The following GALNT11 variants were observed in gnomAD, a reference collection of about 807,000 sequenced individuals.
GALNT11 encodes the protein polypeptide N-acetylgalactosaminyltransferase 11, also known as UDP-GalNAc:polypeptide N-acetylgalactosaminyltransferase 11.
Under a neutral mutation model 72.7 loss-of-function variants are expected in GALNT11, and 47 were observed. That is an observed-to-expected ratio of 0.65 (90% CI 0.51 to 0.82). The LOEUF is 0.82. Ranked by LOEUF, GALNT11 falls within the 40% of genes least tolerant of loss-of-function variation. The pLI, the probability that GALNT11 is intolerant of heterozygous loss-of-function variation, is 0.00. For synonymous variants in GALNT11, 270 were observed against 286.6 expected (o/e 0.94, Z 0.58); for missense variants, 677 against 778.4 (o/e 0.87, Z 1.55).
chr7:152,068,208 A>G (rs554032337), intron 1 of GALNT11, among the ~76,000 whole-genome samples: 6 of 152,224 alleles, frequency 3.9e-5, no homozygotes, highest in South Asian at 2.1e-4. Flanking sequence ...CCTGACTACT[A>G]CTGATCTCTT....
chr7:152,097,291 A>C (rs995932221), intron 2 of GALNT11, among the ~76,000 whole-genome samples: 2 of 152,258 alleles, frequency 1.3e-5, no homozygotes, highest in Non-Finnish European at 2.9e-5. Context: ...AATCAAAACA[A>C]TGAGATAGCC....
intron 5 of GALNT11, among the ~76,000 whole-genome samples, chr7:152,106,719 T>C (rs905990849): frequency 2.8e-4 from 43 of 152,348 alleles, no homozygotes; most frequent in African/African-American, 1.0e-3. Context: ...TTTTCCCTTA[T>C]GATCTCTTCA....
At chr7:152,075,796 C>CAA (rs775384082) in intron 1 of GALNT11, among the ~76,000 whole-genome samples, 7,117 of 109,296 alleles carry the variant, frequency 0.065, 641 homozygotes, top group African/African-American at 0.21. Flanking sequence ...AACTCTGTCT[C>CAA]AAAAAAAAAA....
chr7:152,067,174 A>G (rs1487713900), intron 1 of GALNT11, among the ~76,000 whole-genome samples: 1 of 152,192 alleles, frequency 6.6e-6, no homozygotes, highest in African/African-American at 2.4e-5. Flanking sequence ...GTCAAATGCC[A>G]TTGTCATCAT....
At chr7:152,078,729 G>A (rs1285930831) in intron 1 of GALNT11, among the ~76,000 whole-genome samples, 1 of 152,110 alleles carries the variant, frequency 6.6e-6, no homozygotes, top group Non-Finnish European at 1.5e-5. Context: ...TTTCTAACAA[G>A]TGATGAATTA....
At chr7:152,075,988 G>T (rs2084941705) in intron 1 of GALNT11, among the ~76,000 whole-genome samples, 3 of 150,202 alleles carry the variant, frequency 2.0e-5, no homozygotes, top group African/African-American at 7.3e-5. Flanking sequence ...CGTGAAGCCG[G>T]GAGGTGGAGC....
chr7:152,046,814 CCTA>C (rs1171352988), intron 1 of GALNT11, among the ~76,000 whole-genome samples: 1 of 152,100 alleles, frequency 6.6e-6, no homozygotes, highest in Non-Finnish European at 1.5e-5. Flanking sequence ...TAAGTAAGGT[CCTA>C]CTGCTGCCTT....
intron 3 of GALNT11, 31 bp from the exon 4 acceptor site, chr7:152,103,081 T>C (rs1381027726): frequency 1.0e-5 from 16 of 1,578,452 alleles, no homozygotes; most frequent in Non-Finnish European, 1.4e-5. Flanking sequence ...CCTTTTAAAA[T>C]GTCAGAATTT....
chr7:152,102,938 G>A (rs1243514968), intron 3 of GALNT11, among the ~76,000 whole-genome samples, 174 bp from the exon 4 acceptor site: 6 of 146,234 alleles, frequency 4.1e-5, no homozygotes, highest in Admixed American at 1.4e-4. Context: ...CCGAGATAGC[G>A]CCACTGCACT....
intron 2 of GALNT11, among the ~76,000 whole-genome samples, chr7:152,099,874 C>T (rs2129045580): frequency 6.8e-6 from 1 of 147,582 alleles, no homozygotes; most frequent in Non-Finnish European, 1.5e-5. Flanking sequence ...AAGCAGTCTT[C>T]CTGCCTCAGC....
intron 4 of GALNT11, chr7:152,104,590 T>G (rs1359518970): frequency 6.6e-6 from 1 of 152,224 alleles, no homozygotes; most frequent in Non-Finnish European, 1.5e-5. Context: ...TTTCACTTTG[T>G]GGCTATTTTA....
At chr7:152,116,956 C>T (rs2088923619) in intron 8 of GALNT11, 3 of 683,420 alleles carry the variant, frequency 4.4e-6, no homozygotes, top group East Asian at 2.8e-5. Flanking sequence ...TTTTTAAGAA[C>T]ATCGATGACT....
intron 1 of GALNT11, chr7:152,079,209 T>G (rs921393786): frequency 2.0e-5 from 3 of 152,220 alleles, no homozygotes; most frequent in Non-Finnish European, 4.4e-5. Context: ...AATTAGGAGG[T>G]AGAAACTACT....
intron 1 of GALNT11, among the ~76,000 whole-genome samples, chr7:152,030,702 C>A (rs1330717888): frequency 6.6e-6 from 1 of 151,946 alleles, no homozygotes; most frequent in East Asian, 1.9e-4. Context: ...CTCTCTTTGC[C>A]TTTCTATGTC....
intron 1 of GALNT11, among the ~76,000 whole-genome samples, chr7:152,028,438 C>G (rs2082144263): frequency 6.6e-6 from 1 of 151,854 alleles, no homozygotes; most frequent in Admixed American, 6.6e-5. Flanking sequence ...AAAAGTTCTC[C>G]AAGTCTGCTA....
At chr7:152,040,582 T>C (rs2082809591) in intron 1 of GALNT11, among the ~76,000 whole-genome samples, 2 of 152,220 alleles carry the variant, frequency 1.3e-5, no homozygotes, top group Admixed American at 6.5e-5. Flanking sequence ...TAAGCCCTAA[T>C]GTGAGTGATG....
At position 152,113,401 on chromosome 7, in the gene GALNT11, G is replaced by A; in HGVS notation, c.1233+3G>A. On this transcript the variant is annotated splice_donor_region_variant and intron_variant, in intron 8 of 11. Transcript: ENST00000430044. ...ATGTCTGGTTGGATGAATACAAGGT[G>A]AGATGAAATTTCTTGTTTAGAAGGA... 6.2e-7 allele frequency: 1 copy of A among 1,612,834 alleles called. No individual in the cohort carries two copies. Among genetic ancestry groups the A allele is most frequent in the Admixed American group, 1.7e-5 (1 of 59,816 alleles).
intron 1 of GALNT11, among the ~76,000 whole-genome samples, chr7:152,027,995 T>C (rs1397820823): frequency 6.6e-6 from 1 of 152,166 alleles, no homozygotes; most frequent in East Asian, 1.9e-4. Context: ...TCGAGAGTTG[T>C]TTGTTCCTCG....
At chr7:152,026,972 G>A (rs906856464) in intron 1 of GALNT11, among the ~76,000 whole-genome samples, 4 of 152,164 alleles carry the variant, frequency 2.6e-5, no homozygotes, top group Admixed American at 6.5e-5. Context: ...TTTATTAGCC[G>A]GGTGCGGTGG....
Sources: gnomAD v4.1 joint callset for allele counts (sites outside exome capture counted in the v4.1 genomes callset) on GRCh38, gnomAD v4.1.1 for gene constraint, MANE v1.5 for transcripts, NCBI Gene and HGNC (gene_info 2026-07-23, HGNC 2026-07-21) for gene names.